Variants in SEPHS1 observed in about 807,000 individuals in gnomAD.
The protein encoded by SEPHS1 is zincore component SEPHS1.
A neutral mutation model predicts 39.2 loss-of-function variants in SEPHS1; 7 were observed. That is an observed-to-expected ratio of 0.18 (90% CI 0.10 to 0.34). SEPHS1 has a LOEUF of 0.34. Among genes scored for constraint, SEPHS1 ranks in the 10% least tolerant of loss-of-function variants. The probability of loss-of-function intolerance (pLI) is 1.00; values close to 1 mark genes in which losing one functional copy is unlikely to be tolerated. For missense variants in SEPHS1, 253 were observed against 514.5 expected, an observed-to-expected ratio of 0.49 and a Z score of 4.92; for synonymous variants, 190 against 195.5, an observed-to-expected ratio of 0.97 and a Z score of 0.23.
intron 2 of SEPHS1, among the ~76,000 whole-genome samples, chr10:13,340,332 G>A (rs1461030023): frequency 3.9e-5 from 6 of 151,976 alleles, no homozygotes; most frequent in Admixed American, 2.6e-4. Flanking sequence ...GTGAAGTTCA[G>A]AATGGCAAGT....
Position 13,336,364 on chromosome 10 carries a change from G to A in SEPHS1, c.298-14C>T. The A allele has an allele frequency of 6.3e-7, 1 of 1,590,340 alleles. No homozygotes were observed. Among genetic ancestry groups the A allele is most frequent in the Non-Finnish European group, 8.6e-7 (1 of 1,158,648 alleles). On this transcript the variant is annotated splice_polypyrimidine_tract_variant and intron_variant, in intron 3 of 8. Coordinates refer to ENST00000327347, the MANE Select transcript of SEPHS1 (RefSeq NM_012247.5). Reference sequence around the variant, plus strand: ...CGCTATCCTGCCCTGGGAAGAGAGGGAAACATGAGAAAGGACGACCGGGGA... The same window carrying A: ...CGCTATCCTGCCCTGGGAAGAGAGGAAAACATGAGAAAGGACGACCGGGGA...
intron 7 of SEPHS1, among the ~76,000 whole-genome samples, chr10:13,324,466 C>T (rs1833204397): frequency 6.6e-6 from 1 of 152,212 alleles, no homozygotes; most frequent in African/African-American, 2.4e-5. Context: ...AGCACAATCG[C>T]TGCATCATAT....
At chr10:13,340,419 T>A (rs1833751006) in intron 2 of SEPHS1, among the ~76,000 whole-genome samples, 1 of 152,170 alleles carries the variant, frequency 6.6e-6, no homozygotes, top group South Asian at 2.1e-4. Flanking sequence ...AAACAGCCCA[T>A]GGGCACAACC....
At position 13,343,957 on chromosome 10, in the gene SEPHS1, T is replaced by A. The variant is rs575921734; in HGVS notation, c.193+801A>T. On this transcript the variant is annotated intron_variant, in intron 2 of 8. Transcript: ENST00000327347. ...CTGCACAAGAAACATGAATAAACAA[T>A]ATCCCAGGAGCCCAGAATTTGTTTC... Among the ~76,000 whole-genome samples the A allele has an allele frequency of 2.6e-5, 4 of 152,246 alleles. No homozygotes were observed. The South Asian group carries it at 8.3e-4, about 32-fold the overall frequency.
intron 4 of SEPHS1, among the ~76,000 whole-genome samples, chr10:13,334,753 G>C (rs1263511418): frequency 6.6e-6 from 1 of 152,156 alleles, no homozygotes; most frequent in East Asian, 1.9e-4. Flanking sequence ...ATTTCACATT[G>C]TCATCATTTT....
chr10:13,321,718 C>T (rs760226092), intron 8 of SEPHS1, among the ~76,000 whole-genome samples: 7 of 152,190 alleles, frequency 4.6e-5, no homozygotes, highest in Admixed American at 2.0e-4. Flanking sequence ...TTCAGGAGGA[C>T]GCGCCATCTG....
chr10:13,321,828 A>G (rs1833127883), intron 8 of SEPHS1, among the ~76,000 whole-genome samples: 1 of 152,212 alleles, frequency 6.6e-6, no homozygotes, highest in Non-Finnish European at 1.5e-5. Context: ...AGTACCTGCC[A>G]TGATGAAGAG....
intron 6 of SEPHS1, among the ~76,000 whole-genome samples, chr10:13,328,970 A>G (rs1833386201): frequency 6.6e-6 from 1 of 152,228 alleles, no homozygotes; most frequent in South Asian, 2.1e-4. Context: ...CATCAAGCTA[A>G]GATATACCAG....
chr10:13,333,156 G>A (rs1833519893), intron 5 of SEPHS1, among the ~76,000 whole-genome samples: 1 of 138,128 alleles, frequency 7.2e-6, no homozygotes, highest in African/African-American at 2.5e-5. Context: ...TTTTTGAGAT[G>A]GAGTTTCGCT....
At chr10:13,333,379 C>T (rs543749924) in intron 5 of SEPHS1, among the ~76,000 whole-genome samples, 2 of 151,740 alleles carry the variant, frequency 1.3e-5, no homozygotes, top group African/African-American at 2.4e-5. Context: ...GTGATCCACC[C>T]GCCTTGGCCT....
intron 8 of SEPHS1, among the ~76,000 whole-genome samples, chr10:13,320,214 C>T (rs190711100): frequency 6.4e-4 from 97 of 151,184 alleles, no homozygotes; most frequent in African/African-American, 1.8e-3. Context: ...GACGGAGTCT[C>T]GCTGTCTCCC....
chr10:13,333,051 C>T (rs1833517371), intron 5 of SEPHS1, among the ~76,000 whole-genome samples: 1 of 152,068 alleles, frequency 6.6e-6, no homozygotes, highest in South Asian at 2.1e-4. Flanking sequence ...CCGGTAATGG[C>T]TGTACAACTC....
At position 13,342,355 on chromosome 10, in the gene SEPHS1, T is replaced by C. The variant is rs1007772174; in HGVS notation, c.193+2403A>G. Among the ~76,000 whole-genome samples the C allele has an allele frequency of 1.4e-4, 21 of 150,774 alleles. No homozygotes were observed. The South Asian group carries it at 1.9e-3, about 14-fold the overall frequency. ...CAGCACTTTGGGAGGCTGAGGTGGG[T>C]GGATAACCTGAGCTCAGGAGCTTGA... is the stretch of plus-strand genomic sequence containing the variant. On this transcript the variant is annotated intron_variant, in intron 2 of 8. Coordinates refer to ENST00000327347, the MANE Select transcript of SEPHS1 (RefSeq NM_012247.5).
intron 2 of SEPHS1, among the ~76,000 whole-genome samples, chr10:13,339,059 T>C (rs1833718829): frequency 6.6e-6 from 1 of 152,232 alleles, no homozygotes; most frequent in African/African-American, 2.4e-5. Flanking sequence ...TTTTAATCCT[T>C]AATGATGCCT....
At chr10:13,320,080 A>G (rs1004134507) in intron 8 of SEPHS1, among the ~76,000 whole-genome samples, 3 of 152,232 alleles carry the variant, frequency 2.0e-5, no homozygotes, top group African/African-American at 4.8e-5. Context: ...TGTATGCCCC[A>G]AAGTATCTAG....
chr10:13,347,780 CGCGGCGGCG>C (rs537003074), intron 1 of SEPHS1, among the ~76,000 whole-genome samples: 1 of 138,388 alleles, frequency 7.2e-6, no homozygotes, highest in East Asian at 2.3e-4. Flanking sequence ...CCCGGCCCCG[CGCGGCGGCG>C]GCGGCGGCGC....
intron 2 of SEPHS1, among the ~76,000 whole-genome samples, chr10:13,341,532 C>T (rs1020105667): frequency 6.6e-6 from 1 of 151,584 alleles, no homozygotes; most frequent in African/African-American, 2.4e-5. Context: ...CTAAGGCACA[C>T]TTCTTTTACC....
intron 3 of SEPHS1, among the ~76,000 whole-genome samples, chr10:13,338,087 C>A (rs1833690635): frequency 6.6e-6 from 1 of 152,188 alleles, no homozygotes; most frequent in Non-Finnish European, 1.5e-5. Flanking sequence ...ACGCAGTAAA[C>A]AACTGGGGAA....
chr10:13,325,382 G>C (rs999096005), intron 7 of SEPHS1, among the ~76,000 whole-genome samples: 2 of 152,178 alleles, frequency 1.3e-5, no homozygotes, highest in African/African-American at 2.4e-5. Flanking sequence ...AGAGGGACCT[G>C]GTGGGAGGTG....
Sources: allele counts gnomAD v4.1 joint callset (sites outside exome capture counted in the v4.1 genomes callset), GRCh38; gene constraint gnomAD v4.1.1; transcripts MANE v1.5; gene names NCBI Gene and HGNC (gene_info 2026-07-23, HGNC 2026-07-21).